The following WRN variants were observed in gnomAD, a reference collection of about 807,000 sequenced individuals.
WRN encodes the protein WRN RecQ like helicase, also known as bifunctional 3'-5' exonuclease/ATP-dependent helicase WRN.
WRN carries 149 observed loss-of-function variants against 180.7 expected under a neutral mutation model. The observed-to-expected ratio is 0.82, with a 90% CI of 0.72 to 0.94. The LOEUF is 0.94. Among genes scored for constraint, WRN ranks in the 40% least tolerant of loss-of-function variants. WRN has a pLI of 0.00. For synonymous variants in WRN, 548 were observed against 568.9 expected (o/e 0.96, Z 0.52); for missense variants, 1,661 against 1,700.1 (o/e 0.98, Z 0.40).
At chr8:31,103,241 T>C (rs914421314) in intron 18 of WRN, among the ~76,000 whole-genome samples, 1 of 152,154 alleles carries the variant, frequency 6.6e-6, no homozygotes, top group African/African-American at 2.4e-5. Flanking sequence ...CTTTAAAAAA[T>C]GAATACGTAG....
intron 19 of WRN, among the ~76,000 whole-genome samples, chr8:31,115,176 G>A (rs562089747): frequency 1.6e-4 from 24 of 152,298 alleles, no homozygotes; most frequent in Admixed American, 1.0e-3. Flanking sequence ...GATTACAGGC[G>A]TGAGCCACTG....
chr8:31,114,546 TA>T (rs1801438544), intron 19 of WRN, among the ~76,000 whole-genome samples: 1 of 152,198 alleles, frequency 6.6e-6, no homozygotes, highest in African/African-American at 2.4e-5. Flanking sequence ...ATGTAGTCAA[TA>T]TCAATTTGAG....
At chr8:31,146,561 T>C (rs1003182852) in intron 28 of WRN, among the ~76,000 whole-genome samples, 1 of 152,174 alleles carries the variant, frequency 6.6e-6, no homozygotes, top group Non-Finnish European at 1.5e-5. Context: ...TTAATTTTAG[T>C]TATCAAATTT....
rs113174540 is a variant in WRN, at chr8:31,063,964, C to T, written c.210-325C>T. ...CTTAAACTCCTAGTCTCAAGCAGTC[C>T]TCCTGCCTTGACTTTCCAAAGTGCT... is the stretch of plus-strand genomic sequence containing the variant. On this transcript the variant is annotated intron_variant, in intron 3 of 34. Transcript: ENST00000298139. Among the ~76,000 whole-genome samples the T allele has an allele frequency of 1.2e-4, 18 of 152,184 alleles. 1 individual carries two copies. Among genetic ancestry groups the T allele is most frequent in the African/African-American group, 3.4e-4 (14 of 41,536 alleles).
chr8:31,103,081 GATCA>G (rs1647299991), intron 18 of WRN, among the ~76,000 whole-genome samples: 1 of 152,048 alleles, frequency 6.6e-6, no homozygotes, highest in Non-Finnish European at 1.5e-5. Flanking sequence ...ACAGGGTCAG[GATCA>G]TCAATGTTGC....
chr8:31,147,426 C>T lies in WRN; in HGVS notation c.3522C>T (p.Pro1174=). The stretch of plus-strand genomic sequence containing the variant: ...AACATGCCAATAAAATGGATGTTCC[C>T]CCAGCTATTCTGGCAACAAACAAGA... ...RQKHANKMDV[P]PAILATNKIL... is the part of the protein sequence containing the mutation. The change falls in exon 30 of 35, where the codon CCC becomes CCT. Residue 1174 remains proline (P), a synonymous_variant. Coordinates refer to ENST00000298139, the MANE Select transcript of WRN (RefSeq NM_000553.6). The T allele has an allele frequency of 6.2e-7, 1 of 1,614,014 alleles. No homozygotes were observed. The highest frequency in any genetic ancestry group is 8.5e-7 in the Non-Finnish European group (1 of 1,179,960).
intron 34 of WRN, among the ~76,000 whole-genome samples, chr8:31,169,426 T>C (rs997041211): frequency 6.6e-6 from 1 of 152,038 alleles, no homozygotes; most frequent in Non-Finnish European, 1.5e-5. Context: ...TCTGATTCTT[T>C]CTTCGGTTTT....
At position 31,064,439 on chromosome 8, in the gene WRN, G is replaced by T; in HGVS notation, c.355+5G>T. 1 of 1,613,930 alleles carries T rather than the reference G, an allele frequency of 6.2e-7. No individual in the cohort carries two copies. Among genetic ancestry groups the T allele is most frequent in the South Asian group, 1.1e-5 (1 of 91,076 alleles). On this transcript the variant is annotated splice_donor_5th_base_variant and intron_variant, in intron 4 of 34. Coordinates refer to ENST00000298139, the MANE Select transcript of WRN (RefSeq NM_000553.6). ...TCCACGTTTCTTCCATGTCAGGTTG[G>T]TATCTCTACATTTCATTTTTATATG...
intron 1 of WRN, among the ~76,000 whole-genome samples, chr8:31,043,245 C>T (rs1811724065): frequency 6.6e-6 from 1 of 152,176 alleles, no homozygotes; most frequent in East Asian, 1.9e-4. Flanking sequence ...CATCCTTTCC[C>T]GTACCAGAGG....
In WRN at chr8:31,174,786, C is replaced by T. The variant is rs1337204479; in HGVS notation, c.*1684C>T. On this transcript the variant is annotated 3_prime_UTR_variant, in exon 35 of 35. Coordinates refer to ENST00000298139, the MANE Select transcript of WRN (RefSeq NM_000553.6). ...CTTCTTTCTCTCTTTCCTTCCTTCC[C>T]TTCCCTTCCCCTTCCTTCCTTCCTT... Among the ~76,000 whole-genome samples, 1 of 76,470 alleles carries T rather than the reference C, an allele frequency of 1.3e-5. No individual in the cohort carries two copies. The highest frequency in any genetic ancestry group is 1.3e-4 in the Admixed American group (1 of 7,796). The allele number at this position is 76,470 out of a possible 152,430, so 50.2% of individuals were successfully genotyped here.
chr8:31,149,311 G>T (rs1270721050), intron 30 of WRN, among the ~76,000 whole-genome samples: 1 of 151,380 alleles, frequency 6.6e-6, no homozygotes, highest in African/African-American at 2.4e-5. Flanking sequence ...GCAGGAGAAT[G>T]GCGTGAACCC....
rs1490787455 is a variant in WRN, at chr8:31,120,274, G to A, written c.2480G>A (p.Gly827Asp). Residue 827 changes from glycine to aspartate, a missense_variant, in exon 21 of 35, where the codon GGC (glycine) becomes GAC (aspartate). This residue lies in a region of WRN where 1,141 missense variants were observed against 1,149.4 expected (regional missense o/e 0.99). Transcript: ENST00000298139. ...CVIATIAFGM[G>D]INKADIRQVI... is the part of the protein sequence containing the mutation. ...ATAGCTACCATAGCTTTTGGAATGG[G>A]CATTAATAAAGCTGACATTCGCCAA... is the stretch of plus-strand genomic sequence containing the variant. 1.2e-6 allele frequency: 2 copies of A among 1,612,838 alleles called. No homozygotes were observed. Among genetic ancestry groups the A allele is most frequent in the Non-Finnish European group, 1.7e-6 (2 of 1,179,070 alleles).
chr8:31,108,687 C>T (rs1188235817), intron 18 of WRN, among the ~76,000 whole-genome samples: 1 of 151,856 alleles, frequency 6.6e-6, no homozygotes, highest in Non-Finnish European at 1.5e-5. Flanking sequence ...TGCAAAGCCA[C>T]AGGTTTGCAG....
chr8:31,130,396 C>T (rs1337348010), intron 23 of WRN, among the ~76,000 whole-genome samples: 6 of 152,066 alleles, frequency 3.9e-5, no homozygotes, highest in Admixed American at 3.9e-4. Context: ...CTAAGGAAAG[C>T]AATTGAATTA....
intron 1 of WRN, among the ~76,000 whole-genome samples, chr8:31,048,518 T>TGTGTGTG (rs1338792612): frequency 2.0e-5 from 3 of 152,218 alleles, no homozygotes; most frequent in African/African-American, 7.2e-5. Context: ...AATCTGTGTG[T>TGTGTGTG]GTGTATATAT....
intron 1 of WRN, among the ~76,000 whole-genome samples, chr8:31,052,322 T>G (rs1407906670): frequency 6.6e-6 from 1 of 152,236 alleles, no homozygotes; most frequent in South Asian, 2.1e-4. Context: ...AGATAACCAC[T>G]AATGTTTTGG....
At chr8:31,066,092 G>T (rs982106687) in intron 5 of WRN, among the ~76,000 whole-genome samples, 2 of 151,976 alleles carry the variant, frequency 1.3e-5, no homozygotes, top group Admixed American at 6.6e-5. Flanking sequence ...TGGTCAGGCT[G>T]ATCTCGAACT....
intron 1 of WRN, among the ~76,000 whole-genome samples, chr8:31,052,391 A>G (rs1812109310): frequency 6.6e-6 from 1 of 152,032 alleles, no homozygotes; most frequent in African/African-American, 2.4e-5. Flanking sequence ...ATACAATTAG[A>G]GTCTAATTTT....
At chr8:31,153,674 G>A (rs1803235932) in intron 31 of WRN, among the ~76,000 whole-genome samples, 1 of 152,042 alleles carries the variant, frequency 6.6e-6, no homozygotes, top group African/African-American at 2.4e-5. Context: ...TGAAACATTA[G>A]GCATCATATA....
Sources: allele counts gnomAD v4.1 joint callset (sites outside exome capture counted in the v4.1 genomes callset), GRCh38; gene constraint gnomAD v4.1.1; regional missense constraint gnomAD v4.1.1; transcripts MANE v1.5; gene names NCBI Gene and HGNC (gene_info 2026-07-23, HGNC 2026-07-21).